MGMT: variants seen among roughly 807,000 people sequenced by gnomAD.
MGMT encodes methylated-DNA--protein-cysteine methyltransferase.
Under a neutral mutation model 15.9 loss-of-function variants are expected in MGMT, and 14 were observed. The ratio of observed to expected loss-of-function variants is 0.88; its 90% CI spans 0.58 to 1.37. The LOEUF (loss-of-function observed/expected upper bound fraction) is 1.37, where lower values mean the gene tolerates loss of function less well. MGMT is among the 40% of genes most tolerant of loss of function. The probability of loss-of-function intolerance (pLI) is 0.00; values close to 1 mark genes in which losing one functional copy is unlikely to be tolerated. For synonymous variants in MGMT, 130 were observed against 118.2 expected, an observed-to-expected ratio of 1.10 and a Z score of -0.65; for missense variants, 282 against 268.1, an observed-to-expected ratio of 1.05 and a Z score of -0.36.
intron 2 of MGMT, among the ~76,000 whole-genome samples, chr10:129,589,077 G>A (rs1846651301): frequency 2.6e-5 from 4 of 152,216 alleles, no homozygotes; most frequent in African/African-American, 7.2e-5. Flanking sequence ...CGGTGTTTTT[G>A]TGTCACTTTT....
At chr10:129,681,697 A>G (rs76053973) in intron 2 of MGMT, among the ~76,000 whole-genome samples, 1,956 of 152,304 alleles carry the variant, frequency 0.013, 17 homozygotes, top group Middle Eastern at 0.024. Context: ...AAAACCGTGT[A>G]TATGGAGGGC....
intron 2 of MGMT, among the ~76,000 whole-genome samples, chr10:129,639,505 C>T (rs377074097): frequency 6.6e-6 from 1 of 152,166 alleles, no homozygotes; most frequent in East Asian, 1.9e-4. Context: ...TATCTACTAA[C>T]TTGATGTAAT....
chr10:129,700,125 A>G (rs1211582563), intron 2 of MGMT: 4 of 152,140 alleles, frequency 2.6e-5, no homozygotes, highest in Middle Eastern at 3.2e-3. Flanking sequence ...AGAACAGCCC[A>G]CGGTGTGTGG....
intron 3 of MGMT, among the ~76,000 whole-genome samples, chr10:129,733,722 G>C (rs1347004331): frequency 3.3e-5 from 5 of 152,034 alleles, no homozygotes; most frequent in South Asian, 4.2e-4. Flanking sequence ...AATCCATCTT[G>C]AATTGATTTT....
chr10:129,550,935 C>T (rs896394464), intron 2 of MGMT, among the ~76,000 whole-genome samples: 1 of 152,210 alleles, frequency 6.6e-6, no homozygotes, highest in Non-Finnish European at 1.5e-5. Context: ...GAACCCTCTG[C>T]CAACGTTGGT....
intron 3 of MGMT, among the ~76,000 whole-genome samples, chr10:129,739,124 T>G (rs1013628544): frequency 6.6e-6 from 1 of 152,198 alleles, no homozygotes; most frequent in Non-Finnish European, 1.5e-5. Flanking sequence ...CTAAAAACTC[T>G]CAGTAAACTA....
intron 2 of MGMT, among the ~76,000 whole-genome samples, chr10:129,598,232 T>G (rs72838513): frequency 6.6e-6 from 1 of 152,212 alleles, no homozygotes; most frequent in African/African-American, 2.4e-5. Context: ...GTCATGAATC[T>G]GTCGTGTTTC....
chr10:129,676,476 C>T (rs1375065628), intron 2 of MGMT, among the ~76,000 whole-genome samples: 1 of 152,190 alleles, frequency 6.6e-6, no homozygotes, highest in Non-Finnish European at 1.5e-5. Context: ...TGCATCTCTG[C>T]GTCTCTGCGG....
intron 3 of MGMT, among the ~76,000 whole-genome samples, chr10:129,711,784 G>A (rs762442312): frequency 1.3e-5 from 2 of 151,978 alleles, no homozygotes; most frequent in Non-Finnish European, 2.9e-5. Flanking sequence ...TAAGCCTCTC[G>A]CAAGGGTCAG....
chr10:129,595,968 T>G lies in MGMT; in HGVS notation c.125+59591T>G, dbSNP rs552907287. ...GACAATCACGTAAGACATACCTGTT[T>G]ATAGAAAGAGCTGGATATAGAATTA... is the stretch of plus-strand genomic sequence containing the variant. On this transcript the variant is annotated intron_variant, in intron 2 of 4. Transcript: ENST00000651593. Among the ~76,000 whole-genome samples the G allele has an allele frequency of 2.0e-5, 3 of 152,234 alleles. No homozygotes were observed. The East Asian group carries it at 5.8e-4, about 29-fold the overall frequency.
At chr10:129,673,704 G>A (rs11016866) in intron 2 of MGMT, among the ~76,000 whole-genome samples, 24,250 of 151,956 alleles carry the variant, frequency 0.16, 2,084 homozygotes, top group East Asian at 0.28. Context: ...TTGCCACCTC[G>A]TAATTTCAAA....
At chr10:129,500,731 TG>T (rs1263415905) in intron 1 of MGMT, among the ~76,000 whole-genome samples, 1 of 152,038 alleles carries the variant, frequency 6.6e-6, no homozygotes, top group Non-Finnish European at 1.5e-5. Flanking sequence ...TGTATGTTTT[TG>T]TAGAGACAGT....
chr10:129,759,456 A>T (rs1488669182), intron 4 of MGMT, 115 bp downstream of exon 4: 1 of 1,494,926 alleles, frequency 6.7e-7, no homozygotes, highest in Non-Finnish European at 9.2e-7. Context: ...GGGTGGGCAG[A>T]GGGGCGATAT....
At chr10:129,692,578 A>G (rs1847981764) in intron 2 of MGMT, among the ~76,000 whole-genome samples, 1 of 152,200 alleles carries the variant, frequency 6.6e-6, no homozygotes, top group African/African-American at 2.4e-5. Flanking sequence ...GGCAACAGAT[A>G]TGAGCCAAGT....
intron 2 of MGMT, among the ~76,000 whole-genome samples, chr10:129,574,742 A>G (rs2133041728): frequency 6.6e-6 from 1 of 152,310 alleles, no homozygotes; most frequent in East Asian, 1.9e-4. Context: ...CTTGGAAAAC[A>G]CTTCTGTGAG....
chr10:129,481,056 T>G, intron 1 of MGMT, among the ~76,000 whole-genome samples: 1 of 152,220 alleles, frequency 6.6e-6, no homozygotes, highest in East Asian at 1.9e-4. Flanking sequence ...CATTCTGAAG[T>G]GAACCTGCCT....
chr10:129,502,318 G>C (rs978714201), intron 1 of MGMT, among the ~76,000 whole-genome samples: 6 of 152,132 alleles, frequency 3.9e-5, no homozygotes, highest in African/African-American at 1.4e-4. Flanking sequence ...CCTTAGGTTT[G>C]CTGTAAGGAG....
chr10:129,746,829 C>T (rs949814955), intron 3 of MGMT, among the ~76,000 whole-genome samples: 2 of 152,034 alleles, frequency 1.3e-5, no homozygotes, highest in South Asian at 2.1e-4. Context: ...AATCCTTTGC[C>T]CTTTCATCTA....
chr10:129,653,367 T>G (rs1329770266), intron 2 of MGMT, among the ~76,000 whole-genome samples: 1 of 152,228 alleles, frequency 6.6e-6, no homozygotes, highest in Non-Finnish European at 1.5e-5. Context: ...ATGGCCAGTA[T>G]CCTCTGGATT....
Sources: allele counts gnomAD v4.1 joint callset (sites outside exome capture counted in the v4.1 genomes callset), GRCh38; gene constraint gnomAD v4.1.1; transcripts MANE v1.5; gene names NCBI Gene and HGNC (gene_info 2026-07-23, HGNC 2026-07-21).